The following PIP5K1C variants were observed in gnomAD, a reference collection of about 807,000 sequenced individuals.
The protein encoded by PIP5K1C is phosphatidylinositol 4-phosphate 5-kinase type-1 gamma.
Under a neutral mutation model 80.1 loss-of-function variants are expected in PIP5K1C, and 45 were observed. The ratio of observed to expected loss-of-function variants is 0.56; its 90% confidence interval spans 0.44 to 0.72. The LOEUF is 0.72. Ranked by LOEUF, PIP5K1C falls within the 30% of genes least tolerant of loss-of-function variation. The probability of loss-of-function intolerance (pLI) is 0.00; values close to 1 mark genes in which losing one functional copy is unlikely to be tolerated. For synonymous variants in PIP5K1C, 498 were observed against 420.1 expected, an observed-to-expected ratio of 1.19 and a Z score of -2.27; for missense variants, 753 against 954.6, an observed-to-expected ratio of 0.79 and a Z score of 2.78.
Position 3,631,497 on chromosome 19 carries a change from G to C in PIP5K1C, c.*1670C>G, listed in dbSNP as rs2033467427. On this transcript the variant is annotated 3_prime_UTR_variant, in exon 18 of 18. Coordinates refer to ENST00000335312, the MANE Select transcript of PIP5K1C (RefSeq NM_012398.3). ...ACTGAGGCCAAGGTCGCTTCCCAGG[G>C]CTGGACAGACCCTCTGAGCACGCAG... 1 of 152,438 alleles carries C rather than the reference G, an allele frequency of 6.6e-6. No individual in the cohort carries two copies. The highest frequency in any genetic ancestry group is 1.5e-5 in the Non-Finnish European group (1 of 68,202). 9.4% of individuals were successfully genotyped at this position (152,438 alleles called of 1,614,324 possible).
intron 1 of PIP5K1C, among the ~76,000 whole-genome samples, chr19:3,671,320 C>T (rs1035378753): frequency 6.6e-6 from 1 of 152,248 alleles, no homozygotes; most frequent in African/African-American, 2.4e-5. Flanking sequence ...CCTACGGCCC[C>T]GGGACCCAGT....
chr19:3,656,255 A>G, intron 6 of PIP5K1C, 150 bp downstream of exon 6: 1 of 795,434 alleles, frequency 1.3e-6, no homozygotes, highest in Non-Finnish European at 2.1e-6. Context: ...CTGACGGGGG[A>G]CCCCCGAGGG....
chr19:3,693,784 G>A (rs891352501), intron 1 of PIP5K1C, among the ~76,000 whole-genome samples: 5 of 152,298 alleles, frequency 3.3e-5, no homozygotes, highest in Non-Finnish European at 5.9e-5. Context: ...GAAAGAAGGG[G>A]CCACCATGGG....
At chr19:3,644,944 A>C (rs1480218918) in intron 11 of PIP5K1C, among the ~76,000 whole-genome samples, 1 of 152,240 alleles carries the variant, frequency 6.6e-6, no homozygotes, top group Non-Finnish European at 1.5e-5. Flanking sequence ...AAAGGCTGGC[A>C]AACAGCCCTG....
At chr19:3,673,502 GGT>G (rs2035272776) in intron 1 of PIP5K1C, among the ~76,000 whole-genome samples, 1 of 152,338 alleles carries the variant, frequency 6.6e-6, no homozygotes, top group Admixed American at 6.5e-5. Context: ...GTGGGACCCA[GGT>G]GTGTCAGAGT....
intron 1 of PIP5K1C, among the ~76,000 whole-genome samples, chr19:3,697,322 G>A (rs1225493574): frequency 1.5e-4 from 21 of 141,218 alleles, no homozygotes; most frequent in African/African-American, 4.3e-4. Context: ...TGGGCCGGAC[G>A]GAGGAGGACC....
chr19:3,689,287 G>A (rs77761864), intron 1 of PIP5K1C, among the ~76,000 whole-genome samples: 9,064 of 152,226 alleles, frequency 0.06, 397 homozygotes, highest in Non-Finnish European at 0.09. Context: ...ACAGGAACCC[G>A]ACCTTGGGTT....
Position 3,634,128 on chromosome 19 carries a change from A to C in PIP5K1C, c.1921-608T>G, listed in dbSNP as rs549719736. 7.9e-5 allele frequency among the ~76,000 whole-genome samples: 12 copies of C among 151,856 alleles called. No individual in the cohort carries two copies. In the South Asian group the frequency reaches 2.5e-3, roughly 32 times the overall value. On this transcript the variant is annotated intron_variant, in intron 16 of 17. Coordinates refer to ENST00000335312, the MANE Select transcript of PIP5K1C (RefSeq NM_012398.3). ...GACGCCTTCCTGAGCAGCAGGGCAG[A>C]GTGAGGGCCAAGTTCAGGGCTAGGC...
intron 5 of PIP5K1C, among the ~76,000 whole-genome samples, chr19:3,659,507 C>A (rs565426486): frequency 5.9e-5 from 9 of 152,268 alleles, no homozygotes; most frequent in African/African-American, 2.2e-4. Flanking sequence ...ACGAGCCAGG[C>A]TGCTGCCTTC....
intron 6 of PIP5K1C, among the ~76,000 whole-genome samples, chr19:3,655,123 A>T (rs1326086127): frequency 2.7e-5 from 4 of 148,850 alleles, no homozygotes; most frequent in East Asian, 4.0e-4. Context: ...AAAAAAAAAA[A>T]AAAAAAATGA....
At chr19:3,675,864 A>G (rs2035341074) in intron 1 of PIP5K1C, among the ~76,000 whole-genome samples, 2 of 152,204 alleles carry the variant, frequency 1.3e-5, no homozygotes, top group South Asian at 2.1e-4. Context: ...TGTAACAACC[A>G]CAGATGTCTC....
rs2033749771 is a variant in PIP5K1C, at chr19:3,637,571, G to A, written c.1920+1313C>T. The A allele has an allele frequency of 1.2e-5, 18 of 1,534,688 alleles. No individual in the cohort carries two copies. Among genetic ancestry groups the A allele is most frequent in the Non-Finnish European group, 1.6e-5 (18 of 1,146,280 alleles). Reference sequence around the variant, plus strand: ...GCGCTCAGCGTCACGGCCCGCAGTCGGCGATGGCGGGGAGAGTAAATCCAG... The same window carrying A: ...GCGCTCAGCGTCACGGCCCGCAGTCAGCGATGGCGGGGAGAGTAAATCCAG... On this transcript the variant is annotated intron_variant, in intron 16 of 17. Transcript: ENST00000335312. The surrounding 1 kb of genome is among the most constrained non-coding windows in gnomAD (Gnocchi z 7.0).
chr19:3,689,927 AG>A (rs1367859799), intron 1 of PIP5K1C, among the ~76,000 whole-genome samples: 1 of 152,166 alleles, frequency 6.6e-6, no homozygotes, highest in Admixed American at 6.5e-5. Context: ...TCTTCACTGT[AG>A]CATTCTTGCC....
chr19:3,680,033 CG>C (rs1360002421), intron 1 of PIP5K1C, among the ~76,000 whole-genome samples: 1 of 152,188 alleles, frequency 6.6e-6, no homozygotes, highest in Non-Finnish European at 1.5e-5. Context: ...ACAGCCCCCT[CG>C]GGGGGACGTG....
chr19:3,653,512 G>A lies in PIP5K1C; in HGVS notation c.699C>T (p.Ile233=). 6.2e-7 allele frequency: 1 copy of A among 1,613,854 alleles called. No individual in the cohort carries two copies. Among genetic ancestry groups the A allele is most frequent in the Non-Finnish European group, 8.5e-7 (1 of 1,180,024 alleles). ...GGATGTTGTTCATGACCACGACGCG[G>A]ATGTTCTTGCCCCCCGACTGCACGC... is the stretch of plus-strand genomic sequence containing the variant. The part of the protein sequence containing the change: ...LYCVQSGGKN[I]RVVVMNNILP... The change falls in exon 7 of 18, where the codon ATC becomes ATT. Residue 233 remains isoleucine, a synonymous_variant. Coordinates refer to ENST00000335312, the MANE Select transcript of PIP5K1C (RefSeq NM_012398.3).
At chr19:3,635,846 G>A (rs913341837) in intron 16 of PIP5K1C, among the ~76,000 whole-genome samples, 2 of 152,226 alleles carry the variant, frequency 1.3e-5, no homozygotes, top group South Asian at 2.1e-4. Flanking sequence ...CAGGCATGAT[G>A]GCGGGCGCCT....
intron 1 of PIP5K1C, among the ~76,000 whole-genome samples, chr19:3,683,789 G>A (rs1041568916): frequency 5.3e-5 from 8 of 152,146 alleles, no homozygotes; most frequent in African/African-American, 1.2e-4. Flanking sequence ...GGGCAGGACC[G>A]TGTCTGGAGA....
rs575116226 is a variant in PIP5K1C at position 3,688,823 on chromosome 19, G to A, written c.94+11474C>T. ...GGGGAGGGGGACCCACACCCACGTC[G>A]CCATGGCCCCCCACCCCGTTTTTGA... On this transcript the variant is annotated intron_variant, in intron 1 of 17. Transcript: ENST00000335312. This position sits in a 1 kb window ranked among gnomAD's most constrained non-coding sequence, Gnocchi z 5.3. Among the ~76,000 whole-genome samples, 4 of 152,190 alleles carry A rather than the reference G, an allele frequency of 2.6e-5. No homozygotes were observed. In the East Asian group the frequency reaches 5.8e-4, roughly 22 times the overall value.
At chr19:3,681,592 C>T (rs1246704242) in intron 1 of PIP5K1C, among the ~76,000 whole-genome samples, 2 of 152,104 alleles carry the variant, frequency 1.3e-5, no homozygotes, top group African/African-American at 2.4e-5. Flanking sequence ...CACACATCCC[C>T]CCGCGGGCTG....
Sources: gnomAD v4.1 joint callset for allele counts (sites outside exome capture counted in the v4.1 genomes callset) on GRCh38, gnomAD v4.1.1 for gene constraint, Gnocchi (gnomAD v3.1) non-coding constraint, MANE v1.5 for transcripts, NCBI Gene and HGNC (gene_info 2026-07-23, HGNC 2026-07-21) for gene names.